The following ZCCHC14 variants were observed in gnomAD, a reference collection of about 807,000 sequenced individuals.
ZCCHC14 encodes the protein zinc finger CCHC-type containing 14.
In ZCCHC14, 16 loss-of-function variants were observed where a neutral mutation model predicts 85.0. The observed-to-expected ratio is 0.19, with a 90% CI of 0.13 to 0.29. The LOEUF (loss-of-function observed/expected upper bound fraction) is 0.29, where lower values mean the gene tolerates loss of function less well. ZCCHC14 is among the 10% of genes least tolerant of loss of function. The pLI is 1.00. For missense variants in ZCCHC14, 1,303 were observed against 1,443.5 expected (o/e 0.90, Z 1.58); for synonymous variants, 775 against 630.7 (o/e 1.23, Z -3.43).
chr16:87,434,489 G>A (rs1184976384), intron 2 of ZCCHC14, among the ~76,000 whole-genome samples: 1 of 152,232 alleles, frequency 6.6e-6, no homozygotes, highest in African/African-American at 2.4e-5. Flanking sequence ...ACCTGGCCGC[G>A]TGCGACGGGG....
intron 1 of ZCCHC14, among the ~76,000 whole-genome samples, chr16:87,469,840 G>A (rs570557252): frequency 2.0e-5 from 3 of 152,204 alleles, no homozygotes; most frequent in East Asian, 3.9e-4. Flanking sequence ...TGGGGATGAG[G>A]ACAGAGCCAC....
At position 87,467,062 on chromosome 16, in the gene ZCCHC14, T is replaced by A. The variant is rs78353743; in HGVS notation, c.571-6931A>T. 15 of 403,498 alleles carry A rather than the reference T, an allele frequency of 3.7e-5. 1 individual carries two copies. The highest frequency in any genetic ancestry group is 1.3e-4 in the Admixed American group (3 of 23,838). The allele number at this position is 403,498 out of a possible 1,614,324, so 25.0% of individuals were successfully genotyped here. ...AAAAAATTGTTTTTTTTTTTTTTTTTACTAAAGAGACAGGGTCCCGCTATG... is the reference window on the plus strand; with the variant it reads ...AAAAAATTGTTTTTTTTTTTTTTTTAACTAAAGAGACAGGGTCCCGCTATG... On this transcript the variant is annotated intron_variant, in intron 1 of 12. Coordinates refer to ENST00000671377, the MANE Select transcript of ZCCHC14 (RefSeq NM_015144.3).
At chr16:87,417,102 G>A (rs754276372) in intron 8 of ZCCHC14, among the ~76,000 whole-genome samples, 7 of 152,174 alleles carry the variant, frequency 4.6e-5, no homozygotes, top group South Asian at 2.1e-4. Context: ...CTGGCCCGCC[G>A]CAGTGTCTGC....
rs200545640 is a variant in ZCCHC14 at position 87,488,995 on chromosome 16, CA to C, written c.570+2673del. Among the ~76,000 whole-genome samples the C allele has an allele frequency of 4.6e-3, 696 of 152,306 alleles. 3 individuals are homozygous for C. Among genetic ancestry groups the C allele is most frequent in the African/African-American group, 0.015 (638 of 41,560 alleles). ...GTTCAAAATAAAATACAACAGCTTA[CA>C]AAAGAATGCAGACAGCTTTAACGGG... On this transcript the variant is annotated intron_variant, in intron 1 of 12. Coordinates refer to ENST00000671377, the MANE Select transcript of ZCCHC14 (RefSeq NM_015144.3).
chr16:87,447,893 GA>G (rs1298367358), intron 2 of ZCCHC14, among the ~76,000 whole-genome samples: 1 of 152,142 alleles, frequency 6.6e-6, no homozygotes, highest in African/African-American at 2.4e-5. Context: ...TTACCTCGGT[GA>G]ATAGAAATGA....
chr16:87,446,172 A>C (rs1238187890), intron 2 of ZCCHC14, among the ~76,000 whole-genome samples: 1 of 151,614 alleles, frequency 6.6e-6, no homozygotes. Context: ...CGTCTCAAAA[A>C]AAAAAAAAAA....
intron 3 of ZCCHC14, among the ~76,000 whole-genome samples, chr16:87,428,254 C>T (rs768932654): frequency 1.6e-4 from 25 of 152,038 alleles, no homozygotes; most frequent in Non-Finnish European, 2.4e-4. Flanking sequence ...AAAATTAAAA[C>T]GAGAAACAGG....
At chr16:87,433,307 C>T in intron 2 of ZCCHC14, 106 bp from the exon 3 acceptor site, 1 of 1,031,330 alleles carries the variant, frequency 9.7e-7, no homozygotes, top group Admixed American at 2.2e-5. Context: ...TTCTCAGCAC[C>T]CAAGGCTGTC....
intron 2 of ZCCHC14, among the ~76,000 whole-genome samples, chr16:87,448,890 G>A (rs556682395): frequency 9.3e-4 from 142 of 152,288 alleles, no homozygotes; most frequent in African/African-American, 3.1e-3. Flanking sequence ...GCTGGCTTAC[G>A]GTAGTGTAGA....
chr16:87,413,222 C>A, intron 10 of ZCCHC14, 27 bp from the exon 11 acceptor site: 1 of 1,501,048 alleles, frequency 6.7e-7, no homozygotes, highest in Admixed American at 2.2e-5. Flanking sequence ...GAGGAGCAGC[C>A]ATCAACTAGC....
At chr16:87,411,290 C>T (rs1398829767) in intron 12 of ZCCHC14, 2 of 1,353,384 alleles carry the variant, frequency 1.5e-6, no homozygotes, top group Non-Finnish European at 2.0e-6. Context: ...TGGCTAAGCA[C>T]CTTCTAGAAC....
chr16:87,466,448 G>A (rs142084573), intron 1 of ZCCHC14, among the ~76,000 whole-genome samples: 75 of 152,332 alleles, frequency 4.9e-4, no homozygotes, highest in African/African-American at 1.8e-3. Context: ...AGCTTTTAGA[G>A]CAGGGTTTTA....
chr16:87,422,420 T>C (rs1034719250), intron 4 of ZCCHC14, among the ~76,000 whole-genome samples: 13 of 151,328 alleles, frequency 8.6e-5, no homozygotes, highest in Non-Finnish European at 1.5e-4. Context: ...GAGGAGAAAA[T>C]GGATAAGAAT....
In ZCCHC14 at chr16:87,458,199, G is replaced by T. The variant is rs192119322; in HGVS notation, c.694+1809C>A. On this transcript the variant is annotated intron_variant, in intron 2 of 12. Coordinates refer to ENST00000671377, the MANE Select transcript of ZCCHC14 (RefSeq NM_015144.3). ...GATTCACAGGGTGTGCAGGGCACAG[G>T]TTCCTAGGCTGGACTGTCTGGGGAC... Among the ~76,000 whole-genome samples the T allele has an allele frequency of 3.9e-3, 596 of 152,280 alleles. 2 individuals are homozygous for T. The highest frequency in any genetic ancestry group is 6.1e-3 in the Admixed American group (94 of 15,288).
rs145510304 is a variant in ZCCHC14, at chr16:87,433,237, G to C, written c.695-36C>G. 3.4e-5 allele frequency: 54 copies of C among 1,586,090 alleles called. No homozygotes were observed. The African/African-American group carries it at 7.0e-4, about 21-fold the overall frequency. On this transcript the variant is annotated intron_variant, in intron 2 of 12. Coordinates refer to ENST00000671377, the MANE Select transcript of ZCCHC14 (RefSeq NM_015144.3). ...AAAACAAAAAACAAAAATGAAATAA[G>C]AGCTTGAAGTATATACATGATTATT... is the stretch of plus-strand genomic sequence containing the variant.
chr16:87,431,497 G>C (rs1022199565), intron 3 of ZCCHC14, among the ~76,000 whole-genome samples: 4 of 146,096 alleles, frequency 2.7e-5, no homozygotes, highest in Non-Finnish European at 6.0e-5. Context: ...AAAAAGAAAA[G>C]AAAAGAGAAA....
Position 87,418,866 on chromosome 16 carries a change from C to G in ZCCHC14, c.1081G>C (p.Val361Leu), listed in dbSNP as rs777372499. The change falls in exon 7 of 13, where the codon GTG (valine) becomes CTG (leucine). Residue 361 changes from valine to leucine, a missense_variant. Around this residue, in one of 7 missense-constraint regions of ZCCHC14, gnomAD observed 389 missense variants for 397.8 expected, o/e 0.98. Coordinates refer to ENST00000671377, the MANE Select transcript of ZCCHC14 (RefSeq NM_015144.3). ...GNPSLSKVGTVMGVSGRPVCG... is the reference protein window; with the variant it reads ...GNPSLSKVGTLMGVSGRPVCG... ...TCTCACCTTCCAGACACGCCCATCACGGTACCTACTTTAGAAAGGGAGGGA... is the reference window on the plus strand; with the variant it reads ...TCTCACCTTCCAGACACGCCCATCAGGGTACCTACTTTAGAAAGGGAGGGA... 1.9e-6 allele frequency: 3 copies of G among 1,613,156 alleles called. No individual in the cohort carries two copies. Among genetic ancestry groups the G allele is most frequent in the Admixed American group, 1.7e-5 (1 of 59,970 alleles).
At chr16:87,430,781 C>G (rs1004925367) in intron 3 of ZCCHC14, among the ~76,000 whole-genome samples, 1 of 152,168 alleles carries the variant, frequency 6.6e-6, no homozygotes, top group African/African-American at 2.4e-5. Flanking sequence ...CTTGGCCTCC[C>G]AAAGTGCTGG....
Position 87,492,802 on chromosome 16 carries a change from A to C in ZCCHC14, c.-564T>G. The C allele has an allele frequency of 6.8e-6, 1 of 146,804 alleles. No homozygotes were observed. Among genetic ancestry groups the C allele is most frequent in the Non-Finnish European group, 1.5e-5 (1 of 65,910 alleles). The allele number at this position is 146,804 out of a possible 1,614,324, so 9.1% of individuals were successfully genotyped here. Reference sequence around the variant, plus strand: ...GGAGCGCTGGGGGCCGCGGCCGCGAAACGGACGCTGGAGGGGGAGGGACGC... The same window carrying C: ...GGAGCGCTGGGGGCCGCGGCCGCGACACGGACGCTGGAGGGGGAGGGACGC... On this transcript the variant is annotated 5_prime_UTR_variant, in exon 1 of 13. Coordinates refer to ENST00000671377, the MANE Select transcript of ZCCHC14 (RefSeq NM_015144.3). This position sits in a 1 kb window ranked among gnomAD's most constrained non-coding sequence, Gnocchi z 6.7.
Sources: gnomAD v4.1 joint callset for allele counts (sites outside exome capture counted in the v4.1 genomes callset) on GRCh38, gnomAD v4.1.1 for gene constraint, gnomAD v4.1.1 regional missense constraint, Gnocchi (gnomAD v3.1) non-coding constraint, MANE v1.5 for transcripts, NCBI Gene and HGNC (gene_info 2026-07-23, HGNC 2026-07-21) for gene names.